The following P4HA2 variants were observed in gnomAD, a reference collection of about 807,000 sequenced individuals.
P4HA2 encodes prolyl 4-hydroxylase subunit alpha 2.
P4HA2 carries 46 observed loss-of-function variants against 76.9 expected under a neutral mutation model. The observed-to-expected ratio is 0.60, with a 90% CI of 0.47 to 0.76. P4HA2 has a LOEUF of 0.76. P4HA2 is among the 30% of genes least tolerant of loss of function. The pLI is 0.00. For missense variants in P4HA2, 583 were observed against 669.4 expected (o/e 0.87, Z 1.42); for synonymous variants, 243 against 254.0 (o/e 0.96, Z 0.41).
intron 1 of P4HA2, 46 bp from the exon 2 acceptor site, chr5:132,218,690 G>T (rs758230738): frequency 4.1e-6 from 5 of 1,209,630 alleles, no homozygotes; most frequent in Admixed American, 1.7e-5. Context: ...AAGTGAAAAA[G>T]ACTAATTTAG....
intron 1 of P4HA2, among the ~76,000 whole-genome samples, chr5:132,225,197 A>T (rs528937369): frequency 6.6e-6 from 1 of 152,280 alleles, no homozygotes; most frequent in South Asian, 2.1e-4. Context: ...AAATTGCTAG[A>T]TGTGAGCAAC....
intron 4 of P4HA2, among the ~76,000 whole-genome samples, chr5:132,214,980 C>T (rs1753636420): frequency 6.6e-6 from 1 of 152,242 alleles, no homozygotes; most frequent in South Asian, 2.1e-4. Flanking sequence ...GCCTTCAATT[C>T]TGCCTCTAAG....
chr5:132,192,862 G>A lies in P4HA2; in HGVS notation c.*148C>T. ...GGGCTGGGACTTCAGTCACACAGGA[G>A]TCGCCCTAGTATGGTCTCCCTCTGC... is the stretch of plus-strand genomic sequence containing the variant. On this transcript the variant is annotated 3_prime_UTR_variant, in exon 15 of 15. Transcript: ENST00000360568. The A allele has an allele frequency of 9.7e-6, 6 of 618,774 alleles. No individual in the cohort carries two copies. The highest frequency in any genetic ancestry group is 5.9e-6 in the Non-Finnish European group (2 of 337,374). 38.3% of individuals were successfully genotyped at this position (618,774 alleles called of 1,614,324 possible).
intron 1 of P4HA2, among the ~76,000 whole-genome samples, chr5:132,222,628 C>T (rs1354520247): frequency 6.6e-6 from 1 of 152,246 alleles, no homozygotes; most frequent in African/African-American, 2.4e-5. Flanking sequence ...CCAGGCCCTA[C>T]TGCCCTCTCT....
intron 8 of P4HA2, among the ~76,000 whole-genome samples, chr5:132,206,009 T>A (rs1054262403): frequency 6.6e-6 from 1 of 152,152 alleles, no homozygotes; most frequent in East Asian, 1.9e-4. Flanking sequence ...CATCTGTCCC[T>A]CACAGTCTCC....
At position 132,194,369 on chromosome 5, in the gene P4HA2, A is replaced by G. The variant is rs545666326; in HGVS notation, c.1531+557T>C. Among the ~76,000 whole-genome samples, 3 of 152,156 alleles carry G rather than the reference A, an allele frequency of 2.0e-5. No individual in the cohort carries two copies. The South Asian group carries it at 6.2e-4, about 32-fold the overall frequency. On this transcript the variant is annotated intron_variant, in intron 14 of 14. Coordinates refer to ENST00000360568, the MANE Select transcript of P4HA2 (RefSeq NM_001017974.2). ...GCTACACACTCATCTCCTTACAAAC[A>G]CTTCCTGTCATATCCTGGTTTGAGC...
In P4HA2 at chr5:132,190,934, G is replaced by T. The variant is rs1456278799; in HGVS notation, c.*2076C>A. Among the ~76,000 whole-genome samples, 2 of 152,178 alleles carry T rather than the reference G, an allele frequency of 1.3e-5. No individual in the cohort carries two copies. Among genetic ancestry groups the T allele is most frequent in the Admixed American group, 1.3e-4 (2 of 15,282 alleles). On this transcript the variant is annotated 3_prime_UTR_variant, in exon 15 of 15. Coordinates refer to ENST00000360568, the MANE Select transcript of P4HA2 (RefSeq NM_001017974.2). ...TAATGTTCAAATAGACACTATACATGTACTGTCTTAGGTAGAGCTGCTATA... is the reference window on the plus strand; with the variant it reads ...TAATGTTCAAATAGACACTATACATTTACTGTCTTAGGTAGAGCTGCTATA...
At chr5:132,209,753 T>C (rs1468142037) in intron 6 of P4HA2, among the ~76,000 whole-genome samples, 2 of 123,254 alleles carry the variant, frequency 1.6e-5, no homozygotes, top group Admixed American at 2.0e-4. Flanking sequence ...CCAGGCTGGA[T>C]GAGTGAGACT....
chr5:132,212,528 G>A (rs1753227818), intron 5 of P4HA2, among the ~76,000 whole-genome samples: 2 of 152,258 alleles, frequency 1.3e-5, no homozygotes, highest in Admixed American at 1.3e-4. Context: ...AAGGTAAAGT[G>A]TTTACAAGGA....
At chr5:132,219,305 T>C (rs1754330138) in intron 1 of P4HA2, among the ~76,000 whole-genome samples, 1 of 152,142 alleles carries the variant, frequency 6.6e-6, no homozygotes, top group East Asian at 1.9e-4. Flanking sequence ...GCAGACACTG[T>C]TCTCACTGGC....
intron 10 of P4HA2, chr5:132,202,287 C>T (rs1015228150): frequency 5.9e-5 from 9 of 152,200 alleles, no homozygotes; most frequent in East Asian, 3.8e-4. Context: ...GTAGACTTCA[C>T]ACCAATCCAT....
At chr5:132,204,354 T>C (rs1751921997) in intron 8 of P4HA2, among the ~76,000 whole-genome samples, 1 of 152,160 alleles carries the variant, frequency 6.6e-6, no homozygotes, top group Non-Finnish European at 1.5e-5. Context: ...CAATCCGCAA[T>C]CAGTTCCTGG....
At chr5:132,212,427 G>C (rs1753210886) in intron 5 of P4HA2, among the ~76,000 whole-genome samples, 1 of 152,172 alleles carries the variant, frequency 6.6e-6, no homozygotes, top group Non-Finnish European at 1.5e-5. Flanking sequence ...GAAGACATGA[G>C]AGAAGGAGGT....
intron 1 of P4HA2, among the ~76,000 whole-genome samples, chr5:132,225,369 G>A (rs754327297): frequency 1.6e-4 from 25 of 152,192 alleles, no homozygotes; most frequent in South Asian, 6.2e-4. Flanking sequence ...AGCCAGCGTG[G>A]CCACACATCA....
chr5:132,196,976 C>T (rs1431028318), intron 12 of P4HA2, among the ~76,000 whole-genome samples: 3 of 151,944 alleles, frequency 2.0e-5, no homozygotes, highest in Non-Finnish European at 4.4e-5. Flanking sequence ...AGCATGTACA[C>T]AGCACAATCC....
chr5:132,227,460 G>C (rs1482270498), intron 1 of P4HA2: 2 of 152,246 alleles, frequency 1.3e-5, no homozygotes, highest in Admixed American at 1.3e-4. Context: ...GCCACTTCCC[G>C]GGAGCCTGAC....
chr5:132,224,624 A>G lies in P4HA2; in HGVS notation c.-19+3166T>C, dbSNP rs145588182. ...AATTCAGGAGAGACTGGAATCAGGT[A>G]TAATGTAGTACATTGATCATCAGGG... On this transcript the variant is annotated intron_variant, in intron 1 of 14. Coordinates refer to ENST00000360568, the MANE Select transcript of P4HA2 (RefSeq NM_001017974.2). Among the ~76,000 whole-genome samples the G allele has an allele frequency of 3.0e-3, 463 of 152,350 alleles. 6 individuals carry two copies. The highest frequency in any genetic ancestry group is 0.011 in the African/African-American group (450 of 41,572).
chr5:132,216,527 C>A (rs1387330586), intron 4 of P4HA2, among the ~76,000 whole-genome samples: 1 of 152,174 alleles, frequency 6.6e-6, no homozygotes, highest in East Asian at 1.9e-4. Context: ...TAATCACCAT[C>A]CAGCCATTAA....
intron 1 of P4HA2, among the ~76,000 whole-genome samples, chr5:132,221,065 G>A (rs1754591404): frequency 6.6e-6 from 1 of 152,168 alleles, no homozygotes; most frequent in African/African-American, 2.4e-5. Context: ...GAGTCAGATT[G>A]GGAGGAGGCA....
Sources: gnomAD v4.1 joint callset for allele counts (sites outside exome capture counted in the v4.1 genomes callset) on GRCh38, gnomAD v4.1.1 for gene constraint, MANE v1.5 for transcripts, NCBI Gene and HGNC (gene_info 2026-07-23, HGNC 2026-07-21) for gene names.